The following ERC1 variants were observed in gnomAD, a reference collection of about 807,000 sequenced individuals.
The protein encoded by ERC1 is ELKS/RAB6-interacting/CAST family member 1, also known as RAB6 interacting protein 2.
Under a neutral mutation model 132.0 loss-of-function variants are expected in ERC1, and 56 were observed. That is an observed-to-expected ratio of 0.42 (90% CI 0.34 to 0.53). ERC1 has a LOEUF of 0.53. ERC1 is among the 20% of genes least tolerant of loss of function. ERC1 has a pLI of 0.03. For synonymous variants in ERC1, 478 were observed against 476.1 expected (o/e 1.00, Z -0.05); for missense variants, 1,202 against 1,349.9 (o/e 0.89, Z 1.72).
At chr12:1,187,097 A>G (rs1488182402) in intron 11 of ERC1, among the ~76,000 whole-genome samples, 1 of 152,126 alleles carries the variant, frequency 6.6e-6, no homozygotes, top group African/African-American at 2.4e-5. Context: ...TCCCAAAGTG[A>G]TGGGGTGACA....
At chr12:1,296,161 C>T (rs1021585249) in intron 15 of ERC1, among the ~76,000 whole-genome samples, 3 of 151,866 alleles carry the variant, frequency 2.0e-5, no homozygotes, top group Non-Finnish European at 2.9e-5. Context: ...CCTGTCTCTA[C>T]AAAAATGTTT....
At chr12:1,196,959 CACAT>C (rs1246086068) in intron 12 of ERC1, among the ~76,000 whole-genome samples, 323 of 19,022 alleles carry the variant, frequency 0.017, 2 homozygotes, top group Middle Eastern at 0.036. Context: ...CACACACACA[CACAT>C]ATATATATAT....
In ERC1 at chr12:1,105,437, A is replaced by G. The variant is rs528599460; in HGVS notation, c.1161+613A>G. ...CAGTGGCGTGATCTTGGCTCACTGCAAGCTCCGTCTCCCGGGTTCACGCCA... is the reference window on the plus strand; with the variant it reads ...CAGTGGCGTGATCTTGGCTCACTGCGAGCTCCGTCTCCCGGGTTCACGCCA... On this transcript the variant is annotated intron_variant, in intron 4 of 18. Coordinates refer to ENST00000360905, the MANE Select transcript of ERC1 (RefSeq NM_178040.4). Among the ~76,000 whole-genome samples the G allele has an allele frequency of 2.0e-3, 303 of 152,144 alleles. 1 individual carries two copies. The highest frequency in any genetic ancestry group is 7.0e-3 in the African/African-American group (290 of 41,490).
At chr12:1,392,196 ACG>A (rs1228971546) in intron 16 of ERC1, among the ~76,000 whole-genome samples, 5 of 152,174 alleles carry the variant, frequency 3.3e-5, no homozygotes, top group South Asian at 2.1e-4. Context: ...CTAAGAAGAA[ACG>A]TCATGGCTGG....
intron 15 of ERC1, among the ~76,000 whole-genome samples, chr12:1,367,488 A>G (rs1441249319): frequency 6.6e-6 from 1 of 152,178 alleles, no homozygotes; most frequent in Admixed American, 6.5e-5. Flanking sequence ...AAACACACAC[A>G]CATACTTAGG....
Position 1,140,885 on chromosome 12 carries a change from C to CAAT in ERC1, c.1570-734_1570-732dup, listed in dbSNP as rs537921503. Among the ~76,000 whole-genome samples the CAAT allele has an allele frequency of 2.8e-3, 431 of 152,002 alleles. 3 individuals are homozygous for CAAT. Among genetic ancestry groups the CAAT allele is most frequent in the African/African-American group, 9.1e-3 (378 of 41,484 alleles). ...TATATGGGTTATATGTTTGAAATGACAATGAAAAAAGAATGTAAAAAAGCT... is the reference window on the plus strand; with the variant it reads ...TATATGGGTTATATGTTTGAAATGACAATAATGAAAAAAGAATGTAAAAAAGCT... On this transcript the variant is annotated intron_variant, in intron 7 of 18. Transcript: ENST00000360905.
intron 15 of ERC1, among the ~76,000 whole-genome samples, chr12:1,296,430 T>A (rs182090203): frequency 8.4e-6 from 1 of 118,672 alleles, no homozygotes; most frequent in African/African-American, 3.1e-5. Flanking sequence ...TTTTTTTTTT[T>A]GAGATGGAGT....
At chr12:1,308,222 A>G (rs1441528799) in intron 15 of ERC1, among the ~76,000 whole-genome samples, 1 of 151,730 alleles carries the variant, frequency 6.6e-6, no homozygotes, top group Admixed American at 6.6e-5. Flanking sequence ...TATTATTATT[A>G]TTATTATTAT....
intron 18 of ERC1, among the ~76,000 whole-genome samples, chr12:1,460,656 C>T (rs1276895755): frequency 1.3e-5 from 2 of 151,970 alleles, no homozygotes; most frequent in Non-Finnish European, 2.9e-5. Flanking sequence ...AGAAGCTACT[C>T]AGTTGGGTTA....
intron 2 of ERC1, among the ~76,000 whole-genome samples, chr12:1,075,692 C>T (rs1476659160): frequency 6.6e-6 from 1 of 150,996 alleles, no homozygotes; most frequent in East Asian, 1.9e-4. Context: ...CTCCATTGCA[C>T]TCCATCTCTT....
intron 18 of ERC1, among the ~76,000 whole-genome samples, chr12:1,481,251 G>A (rs2094085768): frequency 6.6e-6 from 1 of 151,856 alleles, no homozygotes; most frequent in South Asian, 2.1e-4. Context: ...GTATAAGGAG[G>A]TTGTGAATAA....
At chr12:1,239,404 C>A (rs1357270514) in intron 13 of ERC1, among the ~76,000 whole-genome samples, 17 of 152,076 alleles carry the variant, frequency 1.1e-4, no homozygotes, top group Admixed American at 1.1e-3. Context: ...GGGTACTCCC[C>A]ACCACTGCGT....
chr12:1,412,052 A>C lies in ERC1; in HGVS notation c.3024+3805A>C, dbSNP rs1016660558. On this transcript the variant is annotated intron_variant, in intron 17 of 18. Coordinates refer to ENST00000360905, the MANE Select transcript of ERC1 (RefSeq NM_178040.4). ...ATTGGTTTAACACCATGCAATTGCA[A>C]TTAGCCAGCCATAACTGGCGTTTCT... is the stretch of plus-strand genomic sequence containing the variant. Among the ~76,000 whole-genome samples, 28 of 152,334 alleles carry C rather than the reference A, an allele frequency of 1.8e-4. 1 individual carries two copies. Among genetic ancestry groups the C allele is most frequent in the Middle Eastern group, 3.4e-3 (1 of 294 alleles).
At chr12:1,475,955 A>T (rs2093962159) in intron 18 of ERC1, among the ~76,000 whole-genome samples, 1 of 145,756 alleles carries the variant, frequency 6.9e-6, no homozygotes, top group Non-Finnish European at 1.5e-5. Context: ...ACATAGTGAG[A>T]TGTCATCTCT....
chr12:1,411,042 T>C (rs1450963932), intron 17 of ERC1, among the ~76,000 whole-genome samples: 1 of 152,098 alleles, frequency 6.6e-6, no homozygotes, highest in South Asian at 2.1e-4. Context: ...CCTAAAAATA[T>C]TGAGGAGCAA....
At chr12:999,766 T>G (rs1348997853) in intron 1 of ERC1, among the ~76,000 whole-genome samples, 1 of 152,130 alleles carries the variant, frequency 6.6e-6, no homozygotes, top group African/African-American at 2.4e-5. Context: ...CAGCTAATTT[T>G]GTATTTTTAG....
intron 16 of ERC1, among the ~76,000 whole-genome samples, chr12:1,394,166 C>T (rs558454610): frequency 1.2e-4 from 18 of 151,748 alleles, no homozygotes; most frequent in South Asian, 2.1e-4. Flanking sequence ...TTTGGGAGGC[C>T]AAGGCGGGCA....
chr12:1,454,629 TTTG>T (rs1402164885), intron 18 of ERC1, among the ~76,000 whole-genome samples: 1 of 152,214 alleles, frequency 6.6e-6, no homozygotes, highest in Non-Finnish European at 1.5e-5. Flanking sequence ...GGAAAAACAC[TTTG>T]TTTTTTCCTG....
intron 8 of ERC1, among the ~76,000 whole-genome samples, chr12:1,167,251 A>G (rs73593935): frequency 0.052 from 7,954 of 152,282 alleles, 662 homozygotes; most frequent in African/African-American, 0.18. Context: ...GAAAAAGACA[A>G]AAGATTTAGG....
Sources: allele counts gnomAD v4.1 joint callset (sites outside exome capture counted in the v4.1 genomes callset), GRCh38; gene constraint gnomAD v4.1.1; transcripts MANE v1.5; gene names NCBI Gene and HGNC (gene_info 2026-07-23, HGNC 2026-07-21).